The following NUDCD2 variants were observed in gnomAD, a reference collection of about 807,000 sequenced individuals.
NUDCD2 encodes the protein nudC domain-containing protein 2.
Under a neutral mutation model 20.8 loss-of-function variants are expected in NUDCD2, and 16 were observed. The observed-to-expected ratio is 0.77, with a 90% CI of 0.52 to 1.17. NUDCD2 has a LOEUF of 1.17. NUDCD2 is among the 50% of genes most tolerant of loss of function. NUDCD2 has a pLI of 0.00. For missense variants in NUDCD2, 199 were observed against 193.9 expected (o/e 1.03, Z -0.16); for synonymous variants, 87 against 72.8 (o/e 1.20, Z -1.00).
chr5:163,455,162 G>A (rs1185121747), intron 3 of NUDCD2, among the ~76,000 whole-genome samples: 3 of 151,390 alleles, frequency 2.0e-5, no homozygotes, highest in Admixed American at 6.6e-5. Context: ...AAAAAAAACA[G>A]GATAAGGGAA....
rs941653049 is a variant in NUDCD2 at position 163,454,127 on chromosome 5, A to C, written c.391-77T>G. On this transcript the variant is annotated intron_variant, in intron 3 of 3. Coordinates refer to ENST00000302764, the MANE Select transcript of NUDCD2 (RefSeq NM_145266.6). ...CAAGTACAAACTGGCAATTGATAAAAAAGGATATATAAATGACCAATAAAT... is the reference window on the plus strand; with the variant it reads ...CAAGTACAAACTGGCAATTGATAAACAAGGATATATAAATGACCAATAAAT... 12 of 670,834 alleles carry C rather than the reference A, an allele frequency of 1.8e-5. No individual in the cohort carries two copies. In the East Asian group the frequency reaches 2.7e-4, roughly 15 times the overall value. 41.6% of individuals were successfully genotyped at this position (670,834 alleles called of 1,614,324 possible). A position where few individuals can be genotyped will look rare whatever the true frequency, so the allele number is the denominator to read the frequency against.
rs1758195000 is a variant in NUDCD2 at position 163,452,176 on chromosome 5, G to A, written c.*1791C>T. 1 of 152,112 alleles carries A rather than the reference G, an allele frequency of 6.6e-6. No individual in the cohort carries two copies. The highest frequency in any genetic ancestry group is 1.5e-5 in the Non-Finnish European group (1 of 68,012). The allele number at this position is 152,112 out of a possible 1,614,324, so 9.4% of individuals were successfully genotyped here. ...GCCCATGGGATCAGAATTTATATGT[G>A]AATTCATGGTTTTCAATATACATAG... On this transcript the variant is annotated 3_prime_UTR_variant, in exon 4 of 4. Coordinates refer to ENST00000302764, the MANE Select transcript of NUDCD2 (RefSeq NM_145266.6).
intron 3 of NUDCD2, among the ~76,000 whole-genome samples, chr5:163,454,502 T>C (rs299301): frequency 0.58 from 87,755 of 151,932 alleles, 25,850 homozygotes; most frequent in East Asian, 0.82. Flanking sequence ...CCACCATGCC[T>C]GGCTAATTTT....
At chr5:163,456,778 G>A (rs185970759) in intron 3 of NUDCD2, 151 bp downstream of exon 3, 2 of 613,718 alleles carry the variant, frequency 3.3e-6, no homozygotes, top group Middle Eastern at 4.7e-4. Flanking sequence ...ATCCATACAA[G>A]AAAGGCCATT....
At chr5:163,457,284 A>G (rs983399583) in intron 2 of NUDCD2, among the ~76,000 whole-genome samples, 2 of 152,124 alleles carry the variant, frequency 1.3e-5, no homozygotes, top group Non-Finnish European at 2.9e-5. Flanking sequence ...GGCATGCGCC[A>G]CCATGCCCGG....
chr5:163,453,418 A>G lies in NUDCD2; in HGVS notation c.*549T>C, dbSNP rs1440531716. 2.0e-5 allele frequency: 3 copies of G among 152,424 alleles called. No homozygotes were observed. The highest frequency in any genetic ancestry group is 7.2e-5 in the African/African-American group (3 of 41,448). 9.4% of individuals were successfully genotyped at this position (152,424 alleles called of 1,614,324 possible). A position where few individuals can be genotyped will look rare whatever the true frequency, so the allele number is the denominator to read the frequency against. The stretch of plus-strand genomic sequence containing the variant: ...GTTTTAACTATTTTTAAACTTCTTG[A>G]CATAAAGTAATCCCTCAAGTAATAA... On this transcript the variant is annotated 3_prime_UTR_variant, in exon 4 of 4. Coordinates refer to ENST00000302764, the MANE Select transcript of NUDCD2 (RefSeq NM_145266.6).
intron 1 of NUDCD2, 65 bp downstream of exon 1, chr5:163,459,797 C>T: frequency 7.0e-7 from 1 of 1,435,596 alleles, no homozygotes; most frequent in South Asian, 1.3e-5. Flanking sequence ...AACAGTCGTT[C>T]AGGGAAACGG....
intron 3 of NUDCD2, among the ~76,000 whole-genome samples, 156 bp downstream of exon 3, chr5:163,456,773 T>A (rs1000278532): frequency 6.6e-6 from 1 of 152,184 alleles, no homozygotes; most frequent in Non-Finnish European, 1.5e-5. Context: ...ATCAAATCCA[T>A]ACAAGAAAGG....
At position 163,455,249 on chromosome 5, in the gene NUDCD2, C is replaced by G. The variant is rs558777160; in HGVS notation, c.391-1199G>C. On this transcript the variant is annotated intron_variant, in intron 3 of 3. Transcript: ENST00000302764. ...TATGAAAACATAAAAGTTAGCCAAA[C>G]TGTGGGAGAAGAGCATTGCAGTCAG... Among the ~76,000 whole-genome samples, 13 of 152,032 alleles carry G rather than the reference C, an allele frequency of 8.6e-5. 1 individual carries two copies. The South Asian group carries it at 1.9e-3, about 22-fold the overall frequency.
rs1758093704 is a variant in NUDCD2, at chr5:163,448,313, G to A, written c.*5654C>T. 1 of 151,502 alleles carries A rather than the reference G, an allele frequency of 6.6e-6. No individual in the cohort carries two copies. The highest frequency in any genetic ancestry group is 1.5e-5 in the Non-Finnish European group (1 of 67,868). The allele number at this position is 151,502 out of a possible 1,614,324, so 9.4% of individuals were successfully genotyped here. A position where few individuals can be genotyped will look rare whatever the true frequency, so the allele number is the denominator to read the frequency against. On this transcript the variant is annotated 3_prime_UTR_variant, in exon 4 of 4. Coordinates refer to ENST00000302764, the MANE Select transcript of NUDCD2 (RefSeq NM_145266.6). ...AAATTGATAAACCTCTGGCAAAATT[G>A]ACAAAAAAAGAGAAGGAATTCCAAT...
rs75180246 is a variant in NUDCD2 at position 163,448,201 on chromosome 5, A to G, written c.*5766T>C. The G allele has an allele frequency of 1.8e-5, 1 of 56,322 alleles. No individual in the cohort carries two copies. Among genetic ancestry groups the G allele is most frequent in the Non-Finnish European group, 3.1e-5 (1 of 32,534 alleles). 3.5% of individuals were successfully genotyped at this position (56,322 alleles called of 1,614,324 possible). Reference sequence around the variant, plus strand: ...TAAACCTAAAGCAAGCAGAAAGAAGAAAAAAAAAAAAGAGGCAGAAAATAA... The same window carrying G: ...TAAACCTAAAGCAAGCAGAAAGAAGGAAAAAAAAAAAGAGGCAGAAAATAA... On this transcript the variant is annotated 3_prime_UTR_variant, in exon 4 of 4. Coordinates refer to ENST00000302764, the MANE Select transcript of NUDCD2 (RefSeq NM_145266.6).
chr5:163,458,301 A>G (rs1758377778), intron 1 of NUDCD2, among the ~76,000 whole-genome samples: 1 of 151,920 alleles, frequency 6.6e-6, no homozygotes, highest in Non-Finnish European at 1.5e-5. Context: ...TTTAAAGTAA[A>G]CTTTTAAAAA....
At chr5:163,454,511 T>C (rs1758253291) in intron 3 of NUDCD2, among the ~76,000 whole-genome samples, 1 of 152,118 alleles carries the variant, frequency 6.6e-6, no homozygotes, top group South Asian at 2.1e-4. Context: ...CTGGCTAATT[T>C]TGTATTTTTA....
At chr5:163,457,111 C>G in intron 2 of NUDCD2, 31 bp from the exon 3 acceptor site, 2 of 1,534,388 alleles carry the variant, frequency 1.3e-6, no homozygotes, top group Non-Finnish European at 1.8e-6. Context: ...CACACACGCA[C>G]AAATAAATTA....
rs1034381188 is a variant in NUDCD2, at chr5:163,456,799, T to G, written c.390+130A>C. On this transcript the variant is annotated intron_variant, in intron 3 of 3. Coordinates refer to ENST00000302764, the MANE Select transcript of NUDCD2 (RefSeq NM_145266.6). ...ACAAGAAAGGCCATTTTTCTAACAA[T>G]TCACTTTAAAAATTCTTCTAGAAAA... 5 of 731,702 alleles carry G rather than the reference T, an allele frequency of 6.8e-6. No homozygotes were observed. In the African/African-American group the frequency reaches 7.3e-5, roughly 11 times the overall value. The allele number at this position is 731,702 out of a possible 1,614,324, so 45.3% of individuals were successfully genotyped here.
In NUDCD2 at chr5:163,453,956, A is replaced by T. The variant is rs778033929; in HGVS notation, c.*11T>A. 6.8e-7 allele frequency: 1 copy of T among 1,472,682 alleles called. No individual in the cohort carries two copies. The allele number at this position is 1,472,682 out of a possible 1,614,324, so 91.2% of individuals were successfully genotyped here. ...TCTGCTAGGATCCACAGAATGCAGG[A>T]AAAAAAGCAGTTATTTCTCAAGGTT... is the stretch of plus-strand genomic sequence containing the variant. On this transcript the variant is annotated 3_prime_UTR_variant, in exon 4 of 4. Coordinates refer to ENST00000302764, the MANE Select transcript of NUDCD2 (RefSeq NM_145266.6).
chr5:163,453,486 A>G lies in NUDCD2; in HGVS notation c.*481T>C, dbSNP rs1206038480. 1 of 152,614 alleles carries G rather than the reference A, an allele frequency of 6.6e-6. No individual in the cohort carries two copies. Among genetic ancestry groups the G allele is most frequent in the Non-Finnish European group, 1.5e-5 (1 of 68,022 alleles). The allele number at this position is 152,614 out of a possible 1,614,324, so 9.5% of individuals were successfully genotyped here. A position where few individuals can be genotyped will look rare whatever the true frequency, so the allele number is the denominator to read the frequency against. On this transcript the variant is annotated 3_prime_UTR_variant, in exon 4 of 4. Coordinates refer to ENST00000302764, the MANE Select transcript of NUDCD2 (RefSeq NM_145266.6). ...TTACATTAACTCTTAATTTACTTAA[A>G]ATACATTTATGGACTTTTTCCTTTA...
At position 163,449,365 on chromosome 5, in the gene NUDCD2, A is replaced by C. The variant is rs1758120011; in HGVS notation, c.*4602T>G. The C allele has an allele frequency of 6.6e-6, 1 of 152,238 alleles. No homozygotes were observed. The highest frequency in any genetic ancestry group is 1.5e-5 in the Non-Finnish European group (1 of 68,048). The allele number at this position is 152,238 out of a possible 1,614,324, so 9.4% of individuals were successfully genotyped here. A position where few individuals can be genotyped will look rare whatever the true frequency, so the allele number is the denominator to read the frequency against. On this transcript the variant is annotated 3_prime_UTR_variant, in exon 4 of 4. Transcript: ENST00000302764. ...GTACATACTAGCGATGTGCAATTGG[A>C]AACCCATGTTTCAAAAATAATACAA... is the stretch of plus-strand genomic sequence containing the variant.
rs1378695488 is a variant in NUDCD2, at chr5:163,457,625, T to A, written c.190-15A>T. ...AAGAGTTTGCCCTGAAAAATAAACA[T>A]ATAAGGTGCTAAAAATACAGAATTT... On this transcript the variant is annotated splice_polypyrimidine_tract_variant and intron_variant, in intron 1 of 3. Coordinates refer to ENST00000302764, the MANE Select transcript of NUDCD2 (RefSeq NM_145266.6). 6.6e-7 allele frequency: 1 copy of A among 1,507,206 alleles called. No homozygotes were observed. Among genetic ancestry groups the A allele is most frequent in the Non-Finnish European group, 9.2e-7 (1 of 1,089,314 alleles). The allele number at this position is 1,507,206 out of a possible 1,614,324, so 93.4% of individuals were successfully genotyped here.
Sources: gnomAD v4.1 joint callset for allele counts (sites outside exome capture counted in the v4.1 genomes callset) on GRCh38, gnomAD v4.1.1 for gene constraint, MANE v1.5 for transcripts, NCBI Gene and HGNC (gene_info 2026-07-23, HGNC 2026-07-21) for gene names.